The following MYO18B variants were observed in gnomAD, a reference collection of about 807,000 sequenced individuals.
MYO18B encodes unconventional myosin-XVIIIb.
In MYO18B, 204 loss-of-function variants were observed where a neutral mutation model predicts 273.0. That is an observed-to-expected ratio of 0.75 (90% CI 0.67 to 0.84). The LOEUF is 0.84. MYO18B is among the 40% of genes least tolerant of loss of function. The pLI, the probability that MYO18B is intolerant of heterozygous loss-of-function variation, is 0.00. For missense variants in MYO18B, 3,212 were observed against 3,287.6 expected (o/e 0.98, Z 0.56); for synonymous variants, 1,330 against 1,305.7 (o/e 1.02, Z -0.40).
At chr22:25,834,925 T>C (rs1186401739) in intron 16 of MYO18B, among the ~76,000 whole-genome samples, 2 of 152,224 alleles carry the variant, frequency 1.3e-5, no homozygotes, top group African/African-American at 2.4e-5. Context: ...ACCAGCTGCC[T>C]GTATGTATCT....
chr22:25,753,779 C>A (rs1166377506), intron 1 of MYO18B, among the ~76,000 whole-genome samples: 3 of 152,106 alleles, frequency 2.0e-5, no homozygotes, highest in Admixed American at 2.0e-4. Flanking sequence ...GACCGCGAAC[C>A]CATGAGAAGG....
chr22:25,915,114 A>G (rs5761312), intron 33 of MYO18B, among the ~76,000 whole-genome samples: 71,780 of 151,994 alleles, frequency 0.47, 17,141 homozygotes, highest in Middle Eastern at 0.55. Flanking sequence ...TGCCTCCAGT[A>G]TAAGATTGAA....
At chr22:25,776,568 G>A (rs7286923) in intron 7 of MYO18B, among the ~76,000 whole-genome samples, 44,064 of 152,066 alleles carry the variant, frequency 0.29, 6,809 homozygotes, top group Non-Finnish European at 0.32. Context: ...TTGTACTCCA[G>A]CCTGGGCAAC....
chr22:26,028,630 C>CA (rs1176475790), intron 43 of MYO18B: 3 of 152,254 alleles, frequency 2.0e-5, no homozygotes, highest in Non-Finnish European at 4.4e-5. Context: ...TGCGGTGGCT[C>CA]ACGCCTGTAA....
rs774931236 is a variant in MYO18B at position 25,835,447 on chromosome 22, A to C, written c.3208+4A>C. The C allele has an allele frequency of 1.2e-6, 2 of 1,613,694 alleles. No individual in the cohort carries two copies. Among genetic ancestry groups the C allele is most frequent in the East Asian group, 4.5e-5 (2 of 44,868 alleles). ...AAGAAAGGAGCTGGGACTGAAGGTA[A>C]GGAAGCAGGGGGCTGGGGATGGGGC... On this transcript the variant is annotated splice_donor_region_variant and intron_variant, in intron 17 of 43. Coordinates refer to ENST00000335473, the MANE Select transcript of MYO18B (RefSeq NM_032608.7).
intron 32 of MYO18B, 25 bp downstream of exon 32, chr22:25,908,457 T>A: frequency 6.5e-7 from 1 of 1,545,682 alleles, no homozygotes. Flanking sequence ...AACACAGCTG[T>A]GCCCTTGGAT....
chr22:25,971,691 G>A (rs2093037212), intron 39 of MYO18B, among the ~76,000 whole-genome samples: 1 of 152,134 alleles, frequency 6.6e-6, no homozygotes, highest in Non-Finnish European at 1.5e-5. Flanking sequence ...ACAAAGGCGC[G>A]GCCTCAGTTA....
intron 7 of MYO18B, among the ~76,000 whole-genome samples, chr22:25,775,270 A>G (rs951836936): frequency 6.6e-6 from 1 of 152,184 alleles, no homozygotes; most frequent in Non-Finnish European, 1.5e-5. Context: ...GCATCAGGAT[A>G]GGGACTCATG....
intron 17 of MYO18B, among the ~76,000 whole-genome samples, chr22:25,835,774 A>G (rs1229681328): frequency 3.3e-5 from 5 of 152,120 alleles, no homozygotes; most frequent in Non-Finnish European, 2.9e-5. Flanking sequence ...GGCGTTTCTC[A>G]TTTTTCTGGT....
At chr22:26,021,044 G>T (rs935808606) in intron 42 of MYO18B, among the ~76,000 whole-genome samples, 1 of 152,154 alleles carries the variant, frequency 6.6e-6, no homozygotes, top group Non-Finnish European at 1.5e-5. Context: ...AGCCATGATC[G>T]TGCCACTGCT....
chr22:25,842,069 G>A (rs537492262), intron 17 of MYO18B, among the ~76,000 whole-genome samples: 14 of 152,222 alleles, frequency 9.2e-5, no homozygotes, highest in Non-Finnish European at 1.9e-4. Flanking sequence ...CCTGGACAGG[G>A]GCAATCTGGG....
At chr22:25,774,432 A>AT (rs2086839435) in intron 7 of MYO18B, among the ~76,000 whole-genome samples, 1 of 152,220 alleles carries the variant, frequency 6.6e-6, no homozygotes, top group African/African-American at 2.4e-5. Context: ...TGGAAGGGAC[A>AT]TTTTTATAGA....
intron 12 of MYO18B, among the ~76,000 whole-genome samples, chr22:25,808,418 C>G (rs1422940080): frequency 1.3e-5 from 2 of 152,128 alleles, no homozygotes; most frequent in African/African-American, 2.4e-5. Flanking sequence ...CAGGATCTTG[C>G]AATCTTTGTC....
chr22:25,882,618 A>T (rs1179708710), intron 25 of MYO18B, among the ~76,000 whole-genome samples: 1 of 152,234 alleles, frequency 6.6e-6, no homozygotes, highest in Non-Finnish European at 1.5e-5. Context: ...TGCTTTATCC[A>T]GGAAGCACGT....
rs762342948 is a variant in MYO18B, at chr22:25,769,357, C to T, written c.1441C>T (p.Arg481Trp). 2.6e-5 allele frequency: 41 copies of T among 1,576,064 alleles called. No homozygotes were observed. Among genetic ancestry groups the T allele is most frequent in the African/African-American group, 9.4e-5 (7 of 74,160 alleles). The change falls in exon 4 of 44, where the codon CGG becomes TGG. Residue 481 changes from arginine to tryptophan, a missense_variant. Physicochemically the swap from Arg to Trp is moderately radical, Grantham distance 101. Coordinates refer to ENST00000335473, the MANE Select transcript of MYO18B (RefSeq NM_032608.7). ...LEKDAERPRI[R>W]KENQDGPAPQ... ...GAAGGATGCAGAAAGGCCTCGGATACGGAAGGAGAACCAAGACGGGCCAGC... is the reference window on the plus strand; with the variant it reads ...GAAGGATGCAGAAAGGCCTCGGATATGGAAGGAGAACCAAGACGGGCCAGC...
intron 17 of MYO18B, among the ~76,000 whole-genome samples, chr22:25,842,614 G>A (rs1332248594): frequency 6.7e-6 from 1 of 149,962 alleles, no homozygotes; most frequent in Admixed American, 6.7e-5. Context: ...GGAGGTTGCA[G>A]TGTGCCGAGA....
chr22:25,841,212 AG>A (rs1206626294), intron 17 of MYO18B, among the ~76,000 whole-genome samples: 3 of 152,076 alleles, frequency 2.0e-5, no homozygotes, highest in African/African-American at 7.2e-5. Context: ...GCAGAGGCTG[AG>A]GGGGCCCTCT....
At chr22:25,918,075 A>G (rs1377899344) in intron 33 of MYO18B, among the ~76,000 whole-genome samples, 1 of 152,204 alleles carries the variant, frequency 6.6e-6, no homozygotes, top group African/African-American at 2.4e-5. Context: ...TTAAAAACCT[A>G]TTATGATTCT....
chr22:25,773,328 G>T (rs1396487606), intron 7 of MYO18B, among the ~76,000 whole-genome samples: 2 of 152,174 alleles, frequency 1.3e-5, no homozygotes, highest in African/African-American at 4.8e-5. Flanking sequence ...CAACAATAAA[G>T]ATAAGAGTGG....
Sources: allele counts gnomAD v4.1 joint callset (sites outside exome capture counted in the v4.1 genomes callset), GRCh38; gene constraint gnomAD v4.1.1; transcripts MANE v1.5; gene names NCBI Gene and HGNC (gene_info 2026-07-23, HGNC 2026-07-21).